Variants in POTEI observed in about 807,000 individuals in gnomAD.
POTEI encodes POTE ankyrin domain family, member I.
POTEI carries 14 observed loss-of-function variants against 43.4 expected under a neutral mutation model. That is an observed-to-expected ratio of 0.32 (90% confidence interval 0.21 to 0.50). POTEI has a LOEUF of 0.50. POTEI is among the 20% of genes least tolerant of loss of function. The pLI is 0.98. For missense variants in POTEI, 235 were observed against 795.4 expected (o/e 0.30, Z 8.47); for synonymous variants, 95 against 297.9 (o/e 0.32, Z 7.01).
chr2:130,464,508 C>A (rs2246834), intron 14 of POTEI, among the ~76,000 whole-genome samples: 2 of 139,534 alleles, frequency 1.4e-5, no homozygotes, highest in Non-Finnish European at 3.1e-5. Context: ...ATAAGATTAA[C>A]AATTTGACTA....
intron 9 of POTEI, among the ~76,000 whole-genome samples, chr2:130,483,803 G>A (rs1285056883): frequency 1.3e-4 from 19 of 149,982 alleles, no homozygotes; most frequent in African/African-American, 4.7e-4. Flanking sequence ...CACTGGTCTC[G>A]ATCTCCTGAC....
intron 6 of POTEI, among the ~76,000 whole-genome samples, chr2:130,491,147 A>G (rs566385715): frequency 9.8e-5 from 12 of 121,868 alleles, no homozygotes; most frequent in African/African-American, 3.4e-4. Context: ...AGCAGGGCCC[A>G]GGAAAGGTCA....
intron 13 of POTEI, among the ~76,000 whole-genome samples, chr2:130,467,507 T>C (rs1682869025): frequency 1.5e-5 from 2 of 137,694 alleles, no homozygotes; most frequent in African/African-American, 2.6e-5. Flanking sequence ...TATACAAAAA[T>C]TAATTCAAGA....
intron 10 of POTEI, among the ~76,000 whole-genome samples, chr2:130,477,088 C>T (rs1683217369): frequency 6.6e-6 from 1 of 150,700 alleles, no homozygotes. Context: ...TATTAGTGTA[C>T]AACGTCTTCC....
In POTEI at chr2:130,460,221, A is replaced by G. The variant is rs1682581619; in HGVS notation, c.*2595T>C. On this transcript the variant is annotated 3_prime_UTR_variant, in exon 15 of 15. Coordinates refer to ENST00000451531, the MANE Select transcript of POTEI (RefSeq NM_001277406.2). ...GAGGCGAGCAGACTAAGGAGTGCTG[A>G]GATCAGACCAGCCCCATCTCAAGTG... 1 of 151,426 alleles carries G rather than the reference A, an allele frequency of 6.6e-6. No homozygotes were observed. Among genetic ancestry groups the G allele is most frequent in the South Asian group, 2.1e-4 (1 of 4,794 alleles). 9.4% of individuals were successfully genotyped at this position (151,426 alleles called of 1,614,324 possible). A position where few individuals can be genotyped will look rare whatever the true frequency, so the allele number is the denominator to read the frequency against.
intron 1 of POTEI, among the ~76,000 whole-genome samples, chr2:130,507,225 C>T (rs1395825722): frequency 1.3e-5 from 1 of 75,292 alleles, no homozygotes; most frequent in Non-Finnish European, 2.8e-5. Context: ...GATCACACCA[C>T]TGCACTCCAG....
intron 10 of POTEI, among the ~76,000 whole-genome samples, chr2:130,480,463 G>T (rs539643384): frequency 6.6e-6 from 1 of 150,760 alleles, no homozygotes; most frequent in Non-Finnish European, 1.5e-5. Flanking sequence ...TGCACTTGCT[G>T]CTCTTCCTCC....
At position 130,462,921 on chromosome 2, in the gene POTEI, G is replaced by C; in HGVS notation, c.3123C>G (p.Val1041=). The part of the protein sequence containing the change: ...APPKRKYSVW[V]GGSILASLST... ...ACAGCGAGGCCAGGATGGAGCCACC[G>C]ACCCACACGGAGTACTTGCGCTTGG... Residue 1041 remains valine (V), a synonymous_variant, in exon 15 of 15, where the codon GTC becomes GTG. Coordinates refer to ENST00000451531, the MANE Select transcript of POTEI (RefSeq NM_001277406.2). 3.4e-6 allele frequency: 1 copy of C among 297,482 alleles called. No homozygotes were observed. The highest frequency in any genetic ancestry group is 2.2e-5 in the South Asian group (1 of 45,368). 18.4% of individuals were successfully genotyped at this position (297,482 alleles called of 1,614,324 possible). A position where few individuals can be genotyped will look rare whatever the true frequency, so the allele number is the denominator to read the frequency against.
chr2:130,477,105 C>A (rs1683219457), intron 10 of POTEI, among the ~76,000 whole-genome samples: 1 of 151,140 alleles, frequency 6.6e-6, no homozygotes, highest in African/African-American at 2.5e-5. Context: ...TTCCTAATAT[C>A]TAAAATGTTT....
intron 10 of POTEI, among the ~76,000 whole-genome samples, chr2:130,477,182 G>C (rs1464613398): frequency 6.7e-6 from 1 of 148,852 alleles, no homozygotes; most frequent in Admixed American, 6.7e-5. Context: ...TATGAACCAG[G>C]GTCTTCCTCT....
rs750073546 is a variant in POTEI, at chr2:130,509,038, G to T, written c.198C>A (p.Cys66Ter). 2.6e-5 allele frequency: 40 copies of T among 1,517,542 alleles called. 1 individual carries two copies. Among genetic ancestry groups the T allele is most frequent in the Non-Finnish European group, 3.5e-5 (39 of 1,107,972 alleles). The allele number at this position is 1,517,542 out of a possible 1,614,324, so 94.0% of individuals were successfully genotyped here. ...TLRSKMGKWC[C>*]HCFPCCRGSG... ...TCCCCCTGCAGCAGGGGAAGCAGTG[G>T]CAGCACCACTTGCCCATCTTGCTCC... Residue 66 changes from cysteine to a stop codon, truncating the protein, a stop_gained, in exon 1 of 15, where the codon TGC (cysteine) becomes TGA (stop). Transcript: ENST00000451531. LOFTEE classifies it high-confidence loss of function.
Position 130,477,217 on chromosome 2 carries a change from A to G in POTEI, c.1481-516T>C, listed in dbSNP as rs2336773. On this transcript the variant is annotated intron_variant, in intron 10 of 14. Transcript: ENST00000451531. ...TGTCACCAGGCTGGAATGCAGTGGC[A>G]TGATCAGCTCACTGCAACCTCCGCC... is the stretch of plus-strand genomic sequence containing the variant. Among the ~76,000 whole-genome samples the G allele has an allele frequency of 0.014, 1,983 of 145,488 alleles. 111 individuals carry two copies. The East Asian group carries it at 0.16, about 12-fold the overall frequency.
At chr2:130,507,007 G>A (rs1327284669) in intron 1 of POTEI, among the ~76,000 whole-genome samples, 1 of 147,556 alleles carries the variant, frequency 6.8e-6, no homozygotes, top group Non-Finnish European at 1.5e-5. Context: ...GCTCACGCCT[G>A]TAACCCCAGC....
intron 9 of POTEI, among the ~76,000 whole-genome samples, chr2:130,482,311 T>C (rs1183960772): frequency 6.9e-6 from 1 of 144,922 alleles, no homozygotes; most frequent in Non-Finnish European, 1.5e-5. Context: ...GTAAATTAAC[T>C]TGCATTAGCC....
chr2:130,487,194 A>G (rs1458012446), intron 9 of POTEI, among the ~76,000 whole-genome samples: 4 of 59,844 alleles, frequency 6.7e-5, no homozygotes, highest in South Asian at 1.7e-3. Flanking sequence ...ATGGTTGCAT[A>G]CTACATTAAT....
rs1204632460 is a variant in POTEI at position 130,464,904 on chromosome 2, A to G, written c.1899+748T>C. ...AGTGATCCTCCACAAAACCACACTT[A>G]CTTCTGTGGTGTAAATATATAAATA... On this transcript the variant is annotated intron_variant, in intron 14 of 14. Transcript: ENST00000451531. 4.0e-5 allele frequency among the ~76,000 whole-genome samples: 6 copies of G among 151,168 alleles called. No homozygotes were observed. The Admixed American group carries it at 4.0e-4, about 10-fold the overall frequency.
At chr2:130,491,767 G>A (rs1683745194) in intron 6 of POTEI, among the ~76,000 whole-genome samples, 1 of 105,360 alleles carries the variant, frequency 9.5e-6, no homozygotes, top group South Asian at 4.3e-4. Context: ...CGATTCTCCT[G>A]TCTCAGTCTC....
At chr2:130,482,686 T>G (rs1683434578) in intron 9 of POTEI, among the ~76,000 whole-genome samples, 1 of 149,874 alleles carries the variant, frequency 6.7e-6, no homozygotes. Flanking sequence ...TTATGGCTTC[T>G]AATTCAGGGC....
chr2:130,483,599 G>GTTTTT (rs1319437395), intron 9 of POTEI, among the ~76,000 whole-genome samples: 14,809 of 28,688 alleles, frequency 0.52, 4,839 homozygotes, highest in Non-Finnish European at 0.68. Flanking sequence ...TGTCAAACTT[G>GTTTTT]TTTTTTTTTT....
Sources: allele counts gnomAD v4.1 joint callset (sites outside exome capture counted in the v4.1 genomes callset), GRCh38; gene constraint gnomAD v4.1.1; transcripts MANE v1.5; gene names NCBI Gene and HGNC (gene_info 2026-07-23, HGNC 2026-07-21).